Variants in LRIF1 observed in about 807,000 individuals in gnomAD.
The protein encoded by LRIF1 is ligand-dependent nuclear receptor-interacting factor 1.
In LRIF1, 32 loss-of-function variants were observed where a neutral mutation model predicts 52.7. The ratio of observed to expected loss-of-function variants is 0.61; its 90% CI spans 0.46 to 0.82. The LOEUF is 0.82. Ranked by LOEUF, LRIF1 falls within the 40% of genes least tolerant of loss-of-function variation. LRIF1 has a pLI of 0.00. For synonymous variants in LRIF1, 323 were observed against 317.4 expected, an observed-to-expected ratio of 1.02 and a Z score of -0.19; for missense variants, 887 against 892.0, an observed-to-expected ratio of 0.99 and a Z score of 0.07.
the LRIF1 span, chr1:110,894,287 TGGGGA>T: frequency 6.4e-7 from 1 of 1,572,088 alleles, no homozygotes; most frequent in Admixed American, 1.7e-5. Flanking sequence ...GGGACGAGAA[TGGGGA>T]TCAGTGCTGT....
chr1:110,915,490 A>AAATAAAT, the LRIF1 span, among the ~76,000 whole-genome samples: 1,073 of 141,938 alleles, frequency 7.6e-3, 8 homozygotes, highest in Non-Finnish European at 9.6e-3. Flanking sequence ...TCCGTCTCAA[A>AAATAAAT]AAATAAATAA....
rs1658304503 is a variant in LRIF1, at chr1:110,948,394, A to ATTCTGC, written c.1870-1_1874dup (p.Gln624_Asn625insLysGln). ...TTTTTGCTTTTCTTTTCTTATCAAAATTCTGCTGCAATATTGAATAACATT... is the reference window on the plus strand; with the variant it reads ...TTTTTGCTTTTCTTTTCTTATCAAAATTCTGCTTCTGCTGCAATATTGAATAACATT... On this transcript the variant is annotated inframe_insertion, in exon 4 of 4. Transcript: ENST00000369763. 1 of 1,608,242 alleles carries ATTCTGC rather than the reference A, an allele frequency of 6.2e-7. No homozygotes were observed. The highest frequency in any genetic ancestry group is 1.3e-5 in the African/African-American group (1 of 74,698).
chr1:110,906,996 C>T, the LRIF1 span, among the ~76,000 whole-genome samples: 1 of 151,920 alleles, frequency 6.6e-6, no homozygotes, highest in African/African-American at 2.4e-5. Flanking sequence ...TTAAACAGAC[C>T]AGTAGAATAT....
chr1:110,886,235 G>A, the LRIF1 span, among the ~76,000 whole-genome samples: 1 of 151,712 alleles, frequency 6.6e-6, no homozygotes, highest in East Asian at 1.9e-4. Context: ...CCTTACAATT[G>A]TTCCTTAGTC....
the LRIF1 span, among the ~76,000 whole-genome samples, chr1:110,904,366 T>C: frequency 6.6e-6 from 1 of 152,092 alleles, no homozygotes; most frequent in African/African-American, 2.4e-5. Context: ...AGCACAGTCA[T>C]AGTGGTGGTC....
the LRIF1 span, chr1:110,897,701 T>G: frequency 3.1e-6 from 2 of 636,776 alleles, no homozygotes; most frequent in Admixed American, 5.0e-5. Context: ...TACCTAAGCC[T>G]CTTTGTATTA....
At chr1:110,908,845 A>G in the LRIF1 span, among the ~76,000 whole-genome samples, 3 of 152,332 alleles carry the variant, frequency 2.0e-5, no homozygotes, top group South Asian at 6.2e-4. Flanking sequence ...TTTTCCCAAC[A>G]TCTCTAGAGA....
chr1:110,957,009 C>A (rs1423049477), intron 1 of LRIF1, among the ~76,000 whole-genome samples: 1 of 152,074 alleles, frequency 6.6e-6, no homozygotes, highest in Admixed American at 6.5e-5. Context: ...CCATATTGAT[C>A]CTCTTACCTA....
At chr1:110,902,279 A>T in the LRIF1 span, among the ~76,000 whole-genome samples, 1 of 152,332 alleles carries the variant, frequency 6.6e-6, no homozygotes, top group African/African-American at 2.4e-5. Context: ...GCTCACTCTT[A>T]GCTCTCCAGC....
the LRIF1 span, among the ~76,000 whole-genome samples, chr1:110,923,567 G>A: frequency 6.6e-6 from 1 of 152,030 alleles, no homozygotes; most frequent in Non-Finnish European, 1.5e-5. Flanking sequence ...AAAAGAATCA[G>A]AAAATCTTTA....
At chr1:110,900,750 CA>C in the LRIF1 span, among the ~76,000 whole-genome samples, 68,104 of 112,278 alleles carry the variant, frequency 0.61, 17,605 homozygotes, top group Middle Eastern at 0.7. Context: ...AGCTCACACT[CA>C]AAAAAAAAAA....
intron 3 of LRIF1, among the ~76,000 whole-genome samples, chr1:110,949,170 T>G (rs1339422883): frequency 6.6e-6 from 1 of 151,986 alleles, no homozygotes; most frequent in East Asian, 1.9e-4. Flanking sequence ...CAGACTGGAG[T>G]GCAGTGGTGC....
chr1:110,930,722 G>T, the LRIF1 span, among the ~76,000 whole-genome samples: 3 of 152,062 alleles, frequency 2.0e-5, no homozygotes, highest in African/African-American at 7.2e-5. Flanking sequence ...CATAACAGAA[G>T]GCTTTGTATT....
chr1:110,950,419 A>G (rs1431803486), intron 2 of LRIF1, among the ~76,000 whole-genome samples: 2 of 152,244 alleles, frequency 1.3e-5, no homozygotes, highest in African/African-American at 4.8e-5. Context: ...AAAATAACAT[A>G]TATGACATTA....
At chr1:110,958,032 T>C (rs2101119794) in intron 1 of LRIF1, among the ~76,000 whole-genome samples, 1 of 152,330 alleles carries the variant, frequency 6.6e-6, no homozygotes, top group South Asian at 2.1e-4. Context: ...CAGCCACTAT[T>C]GACTATTATG....
intron 1 of LRIF1, among the ~76,000 whole-genome samples, chr1:110,960,145 GGAGATTT>G (rs1201538586): frequency 6.6e-6 from 1 of 152,036 alleles, no homozygotes; most frequent in Non-Finnish European, 1.5e-5. Context: ...TTGAGAAAAT[GGAGATTT>G]GGAAACATTT....
the LRIF1 span, among the ~76,000 whole-genome samples, chr1:110,935,644 T>C: frequency 2.6e-5 from 4 of 151,878 alleles, no homozygotes; most frequent in Admixed American, 6.6e-5. Flanking sequence ...TATTTGAAAA[T>C]ACAGTCAGAG....
the LRIF1 span, among the ~76,000 whole-genome samples, chr1:110,933,625 T>C: frequency 6.6e-6 from 1 of 152,110 alleles, no homozygotes; most frequent in Non-Finnish European, 1.5e-5. Flanking sequence ...TGCCCACCCA[T>C]GGAGGGAGAA....
Position 110,957,504 on chromosome 1 carries a change from T to C in LRIF1, c.69-4689A>G, listed in dbSNP as rs1464609809. On this transcript the variant is annotated intron_variant, in intron 1 of 3. Coordinates refer to ENST00000369763, the MANE Select transcript of LRIF1 (RefSeq NM_018372.4). ...AAAAAAAAAAAAAAGACTGCAACAA[T>C]TCTCACGGCTTCAACTATTTTCAAC... Among the ~76,000 whole-genome samples, 6 of 131,272 alleles carry C rather than the reference T, an allele frequency of 4.6e-5. No individual in the cohort carries two copies. The East Asian group carries it at 1.4e-3, about 31-fold the overall frequency. 86.1% of individuals were successfully genotyped at this position (131,272 alleles called of 152,430 possible).
Sources: allele counts gnomAD v4.1 joint callset (sites outside exome capture counted in the v4.1 genomes callset), GRCh38; gene constraint gnomAD v4.1.1; transcripts MANE v1.5; gene names NCBI Gene and HGNC (gene_info 2026-07-23, HGNC 2026-07-21).